The following TNR variants were observed in gnomAD, a reference collection of about 807,000 sequenced individuals.
The protein encoded by TNR is tenascin R.
Under a neutral mutation model 150.4 loss-of-function variants are expected in TNR, and 45 were observed. That is an observed-to-expected ratio of 0.30 (90% CI 0.24 to 0.38). TNR has a LOEUF of 0.38. TNR is among the 10% of genes least tolerant of loss of function. The pLI, the probability that TNR is intolerant of heterozygous loss-of-function variation, is 1.00. For synonymous variants in TNR, 687 were observed against 678.4 expected (o/e 1.01, Z -0.20); for missense variants, 1,544 against 1,759.1 (o/e 0.88, Z 2.19).
intron 18 of TNR, among the ~76,000 whole-genome samples, chr1:175,352,010 C>T (rs1416829233): frequency 1.3e-5 from 2 of 152,170 alleles, no homozygotes; most frequent in Admixed American, 6.5e-5. Flanking sequence ...CCAAATGAAG[C>T]CATTATTCTG....
chr1:175,696,227 T>TGTTGTTGTTG (rs1553254735), intron 1 of TNR, among the ~76,000 whole-genome samples: 146 of 74,018 alleles, frequency 2.0e-3, no homozygotes, highest in Middle Eastern at 5.7e-3. Context: ...GTTTTTTTTT[T>TGTTGTTGTTG]TTTTTTTTTT....
intron 21 of TNR, among the ~76,000 whole-genome samples, chr1:175,329,665 C>T (rs1649615173): frequency 6.6e-6 from 1 of 152,182 alleles, no homozygotes; most frequent in South Asian, 2.1e-4. Context: ...GAGATTTCTA[C>T]CCAGACAGTA....
At chr1:175,537,736 C>A (rs57115028) in intron 1 of TNR, among the ~76,000 whole-genome samples, 8,449 of 152,212 alleles carry the variant, frequency 0.056, 333 homozygotes, top group African/African-American at 0.11. Flanking sequence ...ATCAGTCAAC[C>A]TGAGAGCAGA....
chr1:175,443,476 T>G (rs1655886669), intron 2 of TNR, among the ~76,000 whole-genome samples: 1 of 152,132 alleles, frequency 6.6e-6, no homozygotes, highest in Non-Finnish European at 1.5e-5. Context: ...GCTTAGCAAG[T>G]GTTTACTCAT....
chr1:175,512,962 G>A (rs762785744), intron 2 of TNR, among the ~76,000 whole-genome samples: 5 of 152,184 alleles, frequency 3.3e-5, no homozygotes, highest in African/African-American at 4.8e-5. Context: ...ATGGACCAAG[G>A]CATCAGCCAT....
chr1:175,351,222 C>G (rs1651036443), intron 18 of TNR, among the ~76,000 whole-genome samples: 2 of 152,192 alleles, frequency 1.3e-5, no homozygotes, highest in South Asian at 4.1e-4. Context: ...CCCAATCCCA[C>G]CTCACCAAGT....
In TNR at chr1:175,403,582, G is replaced by A. The variant is rs550741218; in HGVS notation, c.534C>T (p.His178=). The change falls in exon 4 of 23, where the codon CAC becomes CAT. Residue 178 remains histidine (H), a synonymous_variant. Transcript: ENST00000367674. The stretch of plus-strand genomic sequence containing the variant: ...CACAGGACTCAAAGCTAAAGTTGCC[G>A]TGGCCACTGCAGTGAGGGATATAGT... ...QLDYIPHCSG[H]GNFSFESCGC... is the part of the protein sequence containing the mutation. The A allele has an allele frequency of 6.8e-5, 110 of 1,613,948 alleles. No individual in the cohort carries two copies. Among genetic ancestry groups the A allele is most frequent in the East Asian group, 1.6e-4 (7 of 44,878 alleles).
At chr1:175,590,265 T>C (rs1298897240) in intron 1 of TNR, among the ~76,000 whole-genome samples, 1 of 152,230 alleles carries the variant, frequency 6.6e-6, no homozygotes, top group Non-Finnish European at 1.5e-5. Flanking sequence ...AAACACTATG[T>C]TGTACATCTT....
intron 1 of TNR, among the ~76,000 whole-genome samples, chr1:175,721,311 C>A (rs1667292711): frequency 6.6e-6 from 1 of 152,160 alleles, no homozygotes; most frequent in African/African-American, 2.4e-5. Flanking sequence ...TGTTTATTAT[C>A]TATTTCTTTG....
At chr1:175,634,656 C>T (rs1425724577) in intron 1 of TNR, among the ~76,000 whole-genome samples, 1 of 152,122 alleles carries the variant, frequency 6.6e-6, no homozygotes, top group African/African-American at 2.4e-5. Flanking sequence ...CTTAACACAT[C>T]CCCCAATATT....
At chr1:175,663,035 C>T (rs1394258158) in intron 1 of TNR, among the ~76,000 whole-genome samples, 1 of 152,218 alleles carries the variant, frequency 6.6e-6, no homozygotes, top group Non-Finnish European at 1.5e-5. Context: ...ATTCATGTAA[C>T]ATCCTCAGCA....
At chr1:175,335,647 A>C in intron 20 of TNR, 64 bp downstream of exon 20, 2 of 1,496,530 alleles carry the variant, frequency 1.3e-6, no homozygotes, top group Non-Finnish European at 1.8e-6. Context: ...ATGGACACAA[A>C]AAGGAGAGAG....
chr1:175,677,364 A>G (rs1055457718), intron 1 of TNR, among the ~76,000 whole-genome samples: 2 of 152,082 alleles, frequency 1.3e-5, no homozygotes, highest in Admixed American at 6.5e-5. Context: ...GCTCCTGGGC[A>G]CTGCTGTCTC....
At chr1:175,546,784 T>C (rs1660705320) in intron 1 of TNR, among the ~76,000 whole-genome samples, 3 of 152,056 alleles carry the variant, frequency 2.0e-5, no homozygotes, top group Non-Finnish European at 2.9e-5. Context: ...CTTCTTTCCA[T>C]TGTAAATAAA....
intron 1 of TNR, among the ~76,000 whole-genome samples, chr1:175,590,119 T>C (rs1016049974): frequency 1.3e-5 from 2 of 152,208 alleles, no homozygotes; most frequent in African/African-American, 4.8e-5. Flanking sequence ...CTATAGTTAA[T>C]AGTATTGTAT....
In TNR at chr1:175,692,824, T is replaced by C. The variant is rs148389851; in HGVS notation, c.-165+50402A>G. Among the ~76,000 whole-genome samples, 185 of 152,284 alleles carry C rather than the reference T, an allele frequency of 1.2e-3. 1 individual carries two copies. The highest frequency in any genetic ancestry group is 4.3e-3 in the African/African-American group (179 of 41,560). Reference sequence around the variant, plus strand: ...AGAGACAAATAGGGTAAAGAGGGATTATTTGTTACACATTGTTATGTGAAC... The same window carrying C: ...AGAGACAAATAGGGTAAAGAGGGATCATTTGTTACACATTGTTATGTGAAC... On this transcript the variant is annotated intron_variant, in intron 1 of 22. Transcript: ENST00000367674.
intron 1 of TNR, among the ~76,000 whole-genome samples, chr1:175,715,109 C>T (rs553609620): frequency 1.3e-5 from 2 of 152,344 alleles, no homozygotes; most frequent in Non-Finnish European, 2.9e-5. Context: ...AGCCCCAGCA[C>T]AGATGCACTG....
At chr1:175,386,550 G>C (rs942839551) in intron 7 of TNR, among the ~76,000 whole-genome samples, 1 of 152,166 alleles carries the variant, frequency 6.6e-6, no homozygotes, top group Non-Finnish European at 1.5e-5. Flanking sequence ...TCCAGGTGAT[G>C]GCACTTCCCA....
In TNR at chr1:175,488,320, G is replaced by A. The variant is rs61223971; in HGVS notation, c.-64+39949C>T. Among the ~76,000 whole-genome samples, 317 of 152,264 alleles carry A rather than the reference G, an allele frequency of 2.1e-3. 3 individuals carry two copies. Among genetic ancestry groups the A allele is most frequent in the African/African-American group, 7.2e-3 (300 of 41,548 alleles). On this transcript the variant is annotated intron_variant, in intron 2 of 22. Transcript: ENST00000367674. ...TCAGAATTTAGAAATTCCCAAGATTGTTTTTTATGGGCAAAGTTAGGTGGG... is the reference window on the plus strand; with the variant it reads ...TCAGAATTTAGAAATTCCCAAGATTATTTTTTATGGGCAAAGTTAGGTGGG...
Sources: allele counts gnomAD v4.1 joint callset (sites outside exome capture counted in the v4.1 genomes callset), GRCh38; gene constraint gnomAD v4.1.1; transcripts MANE v1.5; gene names NCBI Gene and HGNC (gene_info 2026-07-23, HGNC 2026-07-21).